Variants in LAMA2 observed in about 807,000 individuals in gnomAD.
LAMA2 encodes laminin subunit alpha-2.
A neutral mutation model predicts 364.8 loss-of-function variants in LAMA2; 269 were observed. The observed-to-expected ratio is 0.74, with a 90% confidence interval of 0.67 to 0.82. LAMA2 has a LOEUF of 0.82. Ranked by LOEUF, LAMA2 falls within the 40% of genes least tolerant of loss-of-function variation. LAMA2 has a pLI of 0.00. For missense variants in LAMA2, 3,807 were observed against 3,873.2 expected (o/e 0.98, Z 0.45); for synonymous variants, 1,379 against 1,370.6 (o/e 1.01, Z -0.14).
chr6:129,033,594 C>CT (rs1328657260), intron 1 of LAMA2, among the ~76,000 whole-genome samples: 2 of 151,972 alleles, frequency 1.3e-5, no homozygotes, highest in Non-Finnish European at 2.9e-5. Flanking sequence ...TCACAAGTAC[C>CT]TTTTTTTGGT....
At chr6:128,929,759 A>C in intron 1 of LAMA2, 1 of 1,125,742 alleles carries the variant, frequency 8.9e-7, no homozygotes, top group South Asian at 1.2e-5. Context: ...TGGATATTGG[A>C]AAACGTGTAA....
At chr6:129,479,501 A>ACTCT (rs1784248427) in intron 54 of LAMA2, 1 of 152,310 alleles carries the variant, frequency 6.6e-6, no homozygotes, top group Non-Finnish European at 1.5e-5. Context: ...CCATAGCTCT[A>ACTCT]CTCTCTTAAA....
chr6:129,379,661 G>A (rs180916868), intron 34 of LAMA2, among the ~76,000 whole-genome samples: 5 of 152,228 alleles, frequency 3.3e-5, no homozygotes, highest in East Asian at 1.9e-4. Context: ...GTGGAACTTC[G>A]TGTGTATTCA....
intron 1 of LAMA2, among the ~76,000 whole-genome samples, chr6:128,884,847 G>T (rs1340751390): frequency 6.6e-6 from 1 of 152,150 alleles, no homozygotes; most frequent in South Asian, 2.1e-4. Flanking sequence ...GGGGCCAGGG[G>T]CACCAATCCT....
intron 28 of LAMA2, among the ~76,000 whole-genome samples, chr6:129,321,918 A>G (rs371423399): frequency 6.6e-6 from 1 of 152,280 alleles, no homozygotes; most frequent in African/African-American, 2.4e-5. Context: ...AATCCTACCT[A>G]GCTGCACTAC....
At chr6:129,097,892 T>C (rs1268997578) in intron 3 of LAMA2, among the ~76,000 whole-genome samples, 2 of 152,222 alleles carry the variant, frequency 1.3e-5, no homozygotes, top group Admixed American at 6.5e-5. Flanking sequence ...ATAATTATAA[T>C]GGAACTTTAA....
intron 16 of LAMA2, among the ~76,000 whole-genome samples, chr6:129,268,213 T>A (rs1433845424): frequency 6.6e-6 from 1 of 152,128 alleles, no homozygotes; most frequent in Non-Finnish European, 1.5e-5. Context: ...TTTTGTTTAA[T>A]TGCATTGCAT....
chr6:129,125,831 T>A, intron 4 of LAMA2, among the ~76,000 whole-genome samples: 1 of 152,146 alleles, frequency 6.6e-6, no homozygotes, highest in African/African-American at 2.4e-5. Context: ...TTTGAGGGAA[T>A]GGGTATGTTA....
intron 58 of LAMA2, among the ~76,000 whole-genome samples, chr6:129,500,843 T>G (rs1785575624): frequency 6.6e-6 from 1 of 152,144 alleles, no homozygotes; most frequent in African/African-American, 2.4e-5. Flanking sequence ...TTTTTTAAAT[T>G]TTAATAGAGA....
chr6:129,308,807 C>T (rs962238765), intron 22 of LAMA2, among the ~76,000 whole-genome samples: 16 of 152,168 alleles, frequency 1.1e-4, no homozygotes, highest in African/African-American at 3.6e-4. Context: ...AGCTTCCAGT[C>T]ATGATGGAAG....
chr6:129,237,331 CTGT>C (rs75386790), intron 12 of LAMA2, among the ~76,000 whole-genome samples: 7,430 of 150,526 alleles, frequency 0.049, 273 homozygotes, highest in Non-Finnish European at 0.068. Flanking sequence ...CATTGTTTTT[CTGT>C]TGTTGTTGTT....
chr6:129,485,010 GTTATT>G (rs1254253870), intron 55 of LAMA2, among the ~76,000 whole-genome samples: 3 of 151,982 alleles, frequency 2.0e-5, no homozygotes, highest in East Asian at 1.9e-4. Context: ...GGAGAAAAGT[GTTATT>G]TTATTTCATT....
intron 35 of LAMA2, among the ~76,000 whole-genome samples, chr6:129,384,740 C>G (rs1379514555): frequency 6.6e-6 from 1 of 152,010 alleles, no homozygotes; most frequent in African/African-American, 2.4e-5. Context: ...CGTCTATACA[C>G]CAGAGAAAGG....
intron 1 of LAMA2, among the ~76,000 whole-genome samples, chr6:128,902,611 C>G (rs66474311): frequency 6.6e-6 from 1 of 151,994 alleles, no homozygotes; most frequent in African/African-American, 2.4e-5. Context: ...AGCTTTCAGT[C>G]CCATTTTAAA....
At chr6:129,478,459 A>ATTGT (rs1784189101) in intron 53 of LAMA2, among the ~76,000 whole-genome samples, 3 of 152,198 alleles carry the variant, frequency 2.0e-5, no homozygotes, top group Admixed American at 2.0e-4. Context: ...GGGTGAGATT[A>ATTGT]TTGCTAAAGG....
intron 22 of LAMA2, among the ~76,000 whole-genome samples, chr6:129,311,081 C>T (rs185598427): frequency 6.6e-6 from 1 of 152,002 alleles, no homozygotes; most frequent in East Asian, 1.9e-4. Flanking sequence ...TCTTTCTGGG[C>T]CACTGGGCTC....
At position 129,516,444 on chromosome 6, in the gene LAMA2, T is replaced by G; in HGVS notation, c.*97T>G. ...ACCTATATATGTTAATTAAACTAAT[T>G]TGTGCATGTACATAGAATTCTTTCT... On this transcript the variant is annotated 3_prime_UTR_variant, in exon 65 of 65. Coordinates refer to ENST00000421865, the MANE Select transcript of LAMA2 (RefSeq NM_000426.4). The G allele has an allele frequency of 8.2e-7, 1 of 1,222,710 alleles. No homozygotes were observed. Among genetic ancestry groups the G allele is most frequent in the Non-Finnish European group, 1.2e-6 (1 of 848,768 alleles). 75.7% of individuals were successfully genotyped at this position (1,222,710 alleles called of 1,614,324 possible).
intron 1 of LAMA2, among the ~76,000 whole-genome samples, chr6:128,994,381 C>T (rs1203903244): frequency 2.6e-5 from 4 of 152,182 alleles, no homozygotes; most frequent in African/African-American, 9.7e-5. Flanking sequence ...ATACCATATA[C>T]ACACCTATGT....
chr6:129,154,742 T>C (rs1779006930), intron 8 of LAMA2, 59 bp downstream of exon 8: 2 of 1,333,386 alleles, frequency 1.5e-6, no homozygotes, highest in African/African-American at 1.5e-5. Flanking sequence ...TACAAAAATG[T>C]TTTATACAAA....
Sources: gnomAD v4.1 joint callset for allele counts (sites outside exome capture counted in the v4.1 genomes callset) on GRCh38, gnomAD v4.1.1 for gene constraint, MANE v1.5 for transcripts, NCBI Gene and HGNC (gene_info 2026-07-23, HGNC 2026-07-21) for gene names.